LHFPL1: variants seen among roughly 807,000 people sequenced by gnomAD.
The protein encoded by LHFPL1 is LHFPL tetraspan subfamily member 1 protein.
Under a neutral mutation model 12.1 loss-of-function variants are expected in LHFPL1, and 4 were observed. That is an observed-to-expected ratio of 0.33 (90% CI 0.16 to 0.76). The LOEUF (loss-of-function observed/expected upper bound fraction) is 0.76, where lower values mean the gene tolerates loss of function less well. LHFPL1 is among the 30% of genes least tolerant of loss of function. The probability of loss-of-function intolerance (pLI) is 0.61; values close to 1 mark genes in which losing one functional copy is unlikely to be tolerated. For missense variants in LHFPL1, 141 were observed against 174.1 expected (o/e 0.81, Z 1.07); for synonymous variants, 52 against 61.9 (o/e 0.84, Z 0.75).
Position 112,667,492 on chromosome X carries a change from C to T in LHFPL1, c.382+3517G>A, listed in dbSNP as rs180904738. On this transcript the variant is annotated intron_variant, in intron 2 of 3. Transcript: ENST00000371968. ...TCCTTGGTCGAGAAAGATTCTTGGC[C>T]TCCCATGAGTAACCTGATTCAAGAT... 3.0e-4 allele frequency among the ~76,000 whole-genome samples: 34 copies of T among 112,515 alleles called. No individual in the cohort carries two copies. In the Admixed American group the frequency reaches 3.1e-3, roughly 10 times the overall value.
chrX:112,667,370 C>A (rs191837642), intron 2 of LHFPL1, among the ~76,000 whole-genome samples: 1 of 111,930 alleles, frequency 8.9e-6, no homozygotes, highest in South Asian at 3.8e-4. Context: ...ACTAAATATG[C>A]AACCTTACAC....
At chrX:112,638,590 A>G (rs962217640) in intron 3 of LHFPL1, among the ~76,000 whole-genome samples, 1 of 111,463 alleles carries the variant, frequency 9.0e-6, no homozygotes, top group African/African-American at 3.3e-5. Flanking sequence ...ATACTAAAGG[A>G]GAGTTGATGG....
chrX:112,641,838 C>T (rs1349288371), intron 3 of LHFPL1, among the ~76,000 whole-genome samples: 1 of 111,798 alleles, frequency 8.9e-6, no homozygotes, highest in Non-Finnish European at 1.9e-5. Flanking sequence ...CATGGGGAAC[C>T]ACTGGATAGG....
chrX:112,667,783 C>T (rs1931378283), intron 2 of LHFPL1, among the ~76,000 whole-genome samples: 1 of 111,502 alleles, frequency 9.0e-6, no homozygotes, highest in South Asian at 3.9e-4. Flanking sequence ...GCTCTCTGGA[C>T]CCTGGGCTTA....
chrX:112,653,269 G>T (rs1188853935), intron 3 of LHFPL1, among the ~76,000 whole-genome samples: 1 of 111,408 alleles, frequency 9.0e-6, no homozygotes, highest in Non-Finnish European at 1.9e-5. Flanking sequence ...CTAAGTAATG[G>T]TTGAAAGCTA....
chrX:112,666,988 G>C (rs1461769259), intron 2 of LHFPL1, among the ~76,000 whole-genome samples: 6 of 111,861 alleles, frequency 5.4e-5, no homozygotes, highest in African/African-American at 2.0e-4. Flanking sequence ...TTTGCTAGTG[G>C]GTTAACTTCC....
chrX:112,661,322 T>C (rs775420334), intron 2 of LHFPL1, among the ~76,000 whole-genome samples: 8 of 111,429 alleles, frequency 7.2e-5, no homozygotes, highest in Non-Finnish European at 1.5e-4. Context: ...CCCTTTTATT[T>C]AGGTTTTTTA....
At position 112,669,733 on chromosome X, in the gene LHFPL1, C is replaced by T. The variant is rs773967569; in HGVS notation, c.382+1276G>A. Among the ~76,000 whole-genome samples, 8 of 112,001 alleles carry T rather than the reference C, an allele frequency of 7.1e-5. No homozygotes were observed. In the South Asian group the frequency reaches 2.3e-3, roughly 32 times the overall value. On this transcript the variant is annotated intron_variant, in intron 2 of 3. Coordinates refer to ENST00000371968, the MANE Select transcript of LHFPL1 (RefSeq NM_178175.4). ...TTGTCCTCATCTTGTGCATTGTAGACGTTCATCACCATCCCTCACCTTCAC... is the reference window on the plus strand; with the variant it reads ...TTGTCCTCATCTTGTGCATTGTAGATGTTCATCACCATCCCTCACCTTCAC...
At chrX:112,677,657 G>T (rs1931688782) in intron 1 of LHFPL1, among the ~76,000 whole-genome samples, 1 of 77,358 alleles carries the variant, frequency 1.3e-5, no homozygotes, top group Non-Finnish European at 2.1e-5. Context: ...TTCAGACAAA[G>T]CTTCAAAAAA....
intron 2 of LHFPL1, among the ~76,000 whole-genome samples, chrX:112,661,489 G>A (rs768230017): frequency 3.6e-5 from 4 of 111,354 alleles, no homozygotes; most frequent in South Asian, 3.8e-4. Flanking sequence ...TATATCCTAC[G>A]GCTCTTACCC....
intron 2 of LHFPL1, among the ~76,000 whole-genome samples, chrX:112,667,466 T>C (rs1321719851): frequency 1.8e-5 from 2 of 112,208 alleles, no homozygotes; most frequent in African/African-American, 6.5e-5. Flanking sequence ...TTCTGATACA[T>C]TCCTTGGTCG....
rs768146005 is a variant in LHFPL1, at chrX:112,660,605, C to T, written c.481+22G>A. The T allele has an allele frequency of 6.1e-6, 7 of 1,153,974 alleles. No individual in the cohort carries two copies. The African/African-American group carries it at 8.9e-5, about 15-fold the overall frequency. ...ACACATTTCCCATGAACCATCACTG[C>T]CATCTGCCCAGGCCACCTTACCTAA... On this transcript the variant is annotated intron_variant, in intron 3 of 3. Transcript: ENST00000371968.
intron 1 of LHFPL1, 97 bp from the exon 2 acceptor site, chrX:112,671,501 T>TG (rs764596913): frequency 1.7e-6 from 2 of 1,181,732 alleles, no homozygotes; most frequent in Admixed American, 2.2e-5. Flanking sequence ...TGGCCAGTCC[T>TG]GGGGCTCAAT....
intron 2 of LHFPL1, among the ~76,000 whole-genome samples, chrX:112,668,213 C>T (rs1931391874): frequency 8.9e-6 from 1 of 112,165 alleles, no homozygotes; most frequent in Non-Finnish European, 1.9e-5. Flanking sequence ...CCTTGGTTTC[C>T]TTCCACTGGC....
chrX:112,661,521 G>C (rs917303340), intron 2 of LHFPL1: 4 of 111,737 alleles, frequency 3.6e-5, no homozygotes, highest in Non-Finnish European at 7.5e-5. Flanking sequence ...ACAGAGGATT[G>C]TATCAAGCAT....
At chrX:112,666,399 G>C (rs1443850708) in intron 2 of LHFPL1, among the ~76,000 whole-genome samples, 1 of 111,468 alleles carries the variant, frequency 9.0e-6, no homozygotes, top group Admixed American at 9.6e-5. Flanking sequence ...ATCAGGGAAG[G>C]CTTCACAGAA....
At chrX:112,650,326 C>T (rs1309010059) in intron 3 of LHFPL1, among the ~76,000 whole-genome samples, 5 of 111,284 alleles carry the variant, frequency 4.5e-5, no homozygotes, top group African/African-American at 1.3e-4. Context: ...TTCTTCATCC[C>T]GCATTCTCCT....
chrX:112,652,380 T>G (rs1375719955), intron 3 of LHFPL1, among the ~76,000 whole-genome samples: 1 of 111,870 alleles, frequency 8.9e-6, no homozygotes, highest in East Asian at 2.8e-4. Flanking sequence ...GTCTTTACCT[T>G]GAGGAGGTTG....
chrX:112,668,532 T>A (rs1450425964), intron 2 of LHFPL1, among the ~76,000 whole-genome samples: 1 of 112,907 alleles, frequency 8.9e-6, no homozygotes, highest in African/African-American at 3.2e-5. Flanking sequence ...ATTTTCTTCT[T>A]CAGCTTTAAA....
Sources: allele counts gnomAD v4.1 joint callset (sites outside exome capture counted in the v4.1 genomes callset), GRCh38; gene constraint gnomAD v4.1.1; transcripts MANE v1.5; gene names NCBI Gene and HGNC (gene_info 2026-07-23, HGNC 2026-07-21).